The following PTPRN2 variants were observed in gnomAD, a reference collection of about 807,000 sequenced individuals.
PTPRN2 encodes protein tyrosine phosphatase receptor type N2.
Under a neutral mutation model 118.8 loss-of-function variants are expected in PTPRN2, and 74 were observed. The observed-to-expected ratio is 0.62, with a 90% CI of 0.52 to 0.76. The LOEUF (loss-of-function observed/expected upper bound fraction) is 0.76, where lower values mean the gene tolerates loss of function less well. Among genes scored for constraint, PTPRN2 ranks in the 30% least tolerant of loss-of-function variants. PTPRN2 has a pLI of 0.00. For missense variants in PTPRN2, 1,481 were observed against 1,394.4 expected, an observed-to-expected ratio of 1.06 and a Z score of -0.99; for synonymous variants, 641 against 608.0, an observed-to-expected ratio of 1.05 and a Z score of -0.80.
chr7:158,586,770 G>C (rs918616168), intron 1 of PTPRN2, among the ~76,000 whole-genome samples: 1 of 152,216 alleles, frequency 6.6e-6, no homozygotes. Context: ...GGGTGCGGGG[G>C]ACGCAGGTAG....
chr7:158,327,382 C>T (rs1172581896), intron 2 of PTPRN2, among the ~76,000 whole-genome samples: 1 of 151,526 alleles, frequency 6.6e-6, no homozygotes, highest in East Asian at 1.9e-4. Context: ...CACATTATCA[C>T]ATGCACACAC....
chr7:158,436,083 C>CA (rs1170266696), intron 2 of PTPRN2, among the ~76,000 whole-genome samples: 2 of 152,040 alleles, frequency 1.3e-5, no homozygotes, highest in East Asian at 3.9e-4. Flanking sequence ...GTTCTTTCCA[C>CA]AAAAAAGGAC....
chr7:158,528,246 T>C (rs1353050939), intron 1 of PTPRN2, among the ~76,000 whole-genome samples: 1 of 151,810 alleles, frequency 6.6e-6, no homozygotes, highest in Non-Finnish European at 1.5e-5. Context: ...GTGGTGGGGG[T>C]ACCCGTGCTT....
chr7:157,574,307 G>T (rs757211219), intron 19 of PTPRN2: 2 of 496,636 alleles, frequency 4.0e-6, no homozygotes, highest in South Asian at 1.5e-5. Context: ...TCAGAAAAGG[G>T]GCTTTCCACA....
intron 11 of PTPRN2, among the ~76,000 whole-genome samples, chr7:158,026,907 G>A (rs1016108010): frequency 2.6e-5 from 4 of 152,262 alleles, no homozygotes; most frequent in Non-Finnish European, 4.4e-5. Flanking sequence ...GCAGCCACTC[G>A]GCTCTGGGCA....
intron 11 of PTPRN2, among the ~76,000 whole-genome samples, chr7:158,007,158 A>G (rs1805684176): frequency 6.6e-6 from 1 of 152,170 alleles, no homozygotes; most frequent in Non-Finnish European, 1.5e-5. Context: ...ACGACCTCAC[A>G]TAACCTCAAT....
chr7:157,965,316 G>A (rs1222723622), intron 11 of PTPRN2, among the ~76,000 whole-genome samples: 1 of 152,132 alleles, frequency 6.6e-6, no homozygotes. Flanking sequence ...GAGTTTAGCT[G>A]GAGCATAGCC....
intron 1 of PTPRN2, among the ~76,000 whole-genome samples, chr7:158,578,286 T>C (rs1445571707): frequency 6.6e-6 from 1 of 151,906 alleles, no homozygotes; most frequent in African/African-American, 2.4e-5. Flanking sequence ...AGTCACCTTT[T>C]TTTTTTTTTG....
chr7:158,316,847 G>C lies in PTPRN2; in HGVS notation c.249C>G (p.Arg83=). 1 of 1,608,914 alleles carries C rather than the reference G, an allele frequency of 6.2e-7. No homozygotes were observed. The highest frequency in any genetic ancestry group is 8.5e-7 in the Non-Finnish European group (1 of 1,179,520). ...EVSPVALQRL[R]VALQKLSGTG... is the part of the protein sequence containing the mutation. ...TGCCGGAAAGCTTCTGCAACGCCAC[G>C]CGCAGGCGCTGCAGGGCCACGGGCG... is the stretch of plus-strand genomic sequence containing the variant. The change falls in exon 3 of 23, where the codon CGC becomes CGG. Residue 83 remains arginine, a synonymous_variant. Transcript: ENST00000389418.
intron 11 of PTPRN2, among the ~76,000 whole-genome samples, chr7:158,035,501 G>A (rs896854878): frequency 3.3e-5 from 5 of 152,220 alleles, no homozygotes; most frequent in African/African-American, 1.2e-4. Context: ...GGGCCCAGCA[G>A]GCTGGGGTTG....
chr7:158,157,341 C>A (rs1041158809), intron 6 of PTPRN2, among the ~76,000 whole-genome samples: 1 of 152,254 alleles, frequency 6.6e-6, no homozygotes, highest in African/African-American at 2.4e-5. Context: ...AAGTAAAAAT[C>A]TTTCCAGCAA....
chr7:158,419,818 AT>A (rs1815101588), intron 2 of PTPRN2, among the ~76,000 whole-genome samples: 1 of 152,068 alleles, frequency 6.6e-6, no homozygotes, highest in Admixed American at 6.5e-5. Context: ...GCACTTCGTT[AT>A]TTTATTATCT....
At position 157,779,973 on chromosome 7, in the gene PTPRN2, T is replaced by A. The variant is rs1803576509; in HGVS notation, c.1789-97036A>T. On this transcript the variant is annotated intron_variant, in intron 12 of 22. Coordinates refer to ENST00000389418, the MANE Select transcript of PTPRN2 (RefSeq NM_002847.5). This position sits in a 1 kb window ranked among gnomAD's most constrained non-coding sequence, Gnocchi z 4.7. ...TGTCCACACGGGTTAATAAAAATGC[T>A]GACCCCAGTTCCCAAGGTCCACAAT... is the stretch of plus-strand genomic sequence containing the variant. Among the ~76,000 whole-genome samples the A allele has an allele frequency of 6.6e-6, 1 of 152,198 alleles. No homozygotes were observed. The highest frequency in any genetic ancestry group is 2.4e-5 in the African/African-American group (1 of 41,450).
At position 158,003,508 on chromosome 7, in the gene PTPRN2, C is replaced by G. The variant is rs6459826; in HGVS notation, c.1723+77790G>C. ...AGAGGAAGAGACACACAGCCTGCAT[C>G]TACACAGAAGGACAGCCCCTGAGGA... On this transcript the variant is annotated intron_variant, in intron 11 of 22. Coordinates refer to ENST00000389418, the MANE Select transcript of PTPRN2 (RefSeq NM_002847.5). This position sits in a 1 kb window ranked among gnomAD's most constrained non-coding sequence, Gnocchi z 5.0. Among the ~76,000 whole-genome samples the G allele has an allele frequency of 0.82, 124,668 of 151,970 alleles. 51,364 individuals are homozygous for G. Among genetic ancestry groups the G allele is most frequent in the East Asian group, 0.89 (4,563 of 5,142 alleles).
chr7:158,079,977 A>G (rs1224725304), intron 11 of PTPRN2, among the ~76,000 whole-genome samples: 1 of 152,210 alleles, frequency 6.6e-6, no homozygotes, highest in Admixed American at 6.5e-5. Context: ...ATCAGACTGC[A>G]GAAGTTTAGT....
At chr7:157,733,174 C>T (rs1479634115) in intron 12 of PTPRN2, among the ~76,000 whole-genome samples, 27 of 25,446 alleles carry the variant, frequency 1.1e-3, no homozygotes, top group East Asian at 3.0e-3. Flanking sequence ...GCACAGTTAC[C>T]CTTTCCCGTC....
At chr7:158,017,137 C>T in intron 11 of PTPRN2, among the ~76,000 whole-genome samples, 1 of 152,200 alleles carries the variant, frequency 6.6e-6, no homozygotes, top group South Asian at 2.1e-4. Flanking sequence ...TCTTGAAATG[C>T]ATTTTTTGCT....
At position 158,135,586 on chromosome 7, in the gene PTPRN2, G is replaced by A. The variant is rs73745137; in HGVS notation, c.1173+1069C>T. Among the ~76,000 whole-genome samples, 1,187 of 152,262 alleles carry A rather than the reference G, an allele frequency of 7.8e-3. 13 individuals are homozygous for A. Among genetic ancestry groups the A allele is most frequent in the African/African-American group, 0.027 (1,125 of 41,542 alleles). ...ACGCATGGAGGATGAAAAGCCTGTG[G>A]TCTAAAAGTCAGGGAGTCTTAGGCT... On this transcript the variant is annotated intron_variant, in intron 8 of 22. Coordinates refer to ENST00000389418, the MANE Select transcript of PTPRN2 (RefSeq NM_002847.5).
chr7:158,422,773 G>A (rs1041589598), intron 2 of PTPRN2, among the ~76,000 whole-genome samples: 3 of 151,900 alleles, frequency 2.0e-5, no homozygotes, highest in East Asian at 3.9e-4. Context: ...TGTGGTCTCC[G>A]TCACACCTGG....
Sources: gnomAD v4.1 joint callset for allele counts (sites outside exome capture counted in the v4.1 genomes callset) on GRCh38, gnomAD v4.1.1 for gene constraint, Gnocchi (gnomAD v3.1) non-coding constraint, MANE v1.5 for transcripts, NCBI Gene and HGNC (gene_info 2026-07-23, HGNC 2026-07-21) for gene names.